ME3: variants seen among roughly 807,000 people sequenced by gnomAD.
ME3 encodes NADP-dependent malic enzyme, mitochondrial.
In ME3, 48 loss-of-function variants were observed where a neutral mutation model predicts 68.9. That is an observed-to-expected ratio of 0.70 (90% CI 0.55 to 0.89). The LOEUF is 0.89. Ranked by LOEUF, ME3 falls within the 40% of genes least tolerant of loss-of-function variation. The pLI is 0.00. For synonymous variants in ME3, 320 were observed against 318.8 expected (o/e 1.00, Z -0.04); for missense variants, 675 against 797.4 (o/e 0.85, Z 1.85).
At chr11:86,537,285 A>AT (rs1955744169) in intron 4 of ME3, among the ~76,000 whole-genome samples, 2 of 144,964 alleles carry the variant, frequency 1.4e-5, no homozygotes, top group Admixed American at 1.4e-4. Flanking sequence ...TTAAAGTATA[A>AT]TAAAAAAAAA....
chr11:86,522,975 T>C (rs1954437242), intron 4 of ME3, among the ~76,000 whole-genome samples: 1 of 152,152 alleles, frequency 6.6e-6, no homozygotes, highest in Admixed American at 6.5e-5. Flanking sequence ...GAAGGGGGTC[T>C]GGGAGGTTGA....
At chr11:86,568,930 T>C (rs1324822239) in intron 2 of ME3, among the ~76,000 whole-genome samples, 1 of 152,224 alleles carries the variant, frequency 6.6e-6, no homozygotes, top group Non-Finnish European at 1.5e-5. Flanking sequence ...AGGAGACATG[T>C]GGGTTAACAT....
Position 86,456,217 on chromosome 11 carries a change from G to A in ME3, c.920-5819C>T, listed in dbSNP as rs577224821. On this transcript the variant is annotated intron_variant, in intron 8 of 14. Coordinates refer to ENST00000543262, the Ensembl canonical transcript of ME3. ...GGCTAGCGGGAGTTTTCTGCTCATC[G>A]GAGTCTGTTTCAGGACAGCCTTTTG... Among the ~76,000 whole-genome samples, 15 of 152,280 alleles carry A rather than the reference G, an allele frequency of 9.9e-5. No homozygotes were observed. In the South Asian group the frequency reaches 3.1e-3, roughly 32 times the overall value.
intron 2 of ME3, among the ~76,000 whole-genome samples, chr11:86,599,127 A>G (rs1960128801): frequency 6.6e-6 from 1 of 152,230 alleles, no homozygotes; most frequent in Non-Finnish European, 1.5e-5. Flanking sequence ...TTGAGAGAAG[A>G]AGGCTTCAGA....
intron 2 of ME3, among the ~76,000 whole-genome samples, chr11:86,574,121 G>C (rs1038919415): frequency 1.3e-5 from 2 of 152,130 alleles, no homozygotes; most frequent in African/African-American, 4.8e-5. Flanking sequence ...ATTTTATCAA[G>C]GTTTTTAACT....
At chr11:86,445,051 C>G (rs1057015440) in intron 13 of ME3, among the ~76,000 whole-genome samples, 7 of 152,162 alleles carry the variant, frequency 4.6e-5, no homozygotes, top group African/African-American at 1.7e-4. Flanking sequence ...ATAGGCAGGA[C>G]TGTAGCAATT....
In ME3 at chr11:86,487,331, A is replaced by G. The variant is rs1266104293; in HGVS notation, c.809+6T>C. 2.5e-6 allele frequency: 4 copies of G among 1,610,024 alleles called. No individual in the cohort carries two copies. Among genetic ancestry groups the G allele is most frequent in the Non-Finnish European group, 3.4e-6 (4 of 1,176,366 alleles). On this transcript the variant is annotated splice_donor_region_variant and intron_variant, in intron 7 of 14. Transcript: ENST00000543262. ...TCTTTCAAAAGGGACAGACTGGTCCACTTACTTGTCTGTCACAGCCTGCAT... is the reference window on the plus strand; with the variant it reads ...TCTTTCAAAAGGGACAGACTGGTCCGCTTACTTGTCTGTCACAGCCTGCAT...
chr11:86,655,546 T>A (rs1445986236), intron 2 of ME3, among the ~76,000 whole-genome samples: 2 of 152,134 alleles, frequency 1.3e-5, no homozygotes, highest in African/African-American at 4.8e-5. Context: ...GCTAGCCATA[T>A]GTAGAAAGCT....
At chr11:86,573,679 T>G (rs1257717448) in intron 2 of ME3, among the ~76,000 whole-genome samples, 3 of 150,670 alleles carry the variant, frequency 2.0e-5, no homozygotes, top group Non-Finnish European at 4.4e-5. Context: ...TAAATAGGAG[T>G]GGAGAGAGAC....
chr11:86,588,852 A>G (rs913922572), intron 2 of ME3, among the ~76,000 whole-genome samples: 2 of 151,934 alleles, frequency 1.3e-5, no homozygotes, highest in African/African-American at 4.8e-5. Context: ...GCCTTTCCTA[A>G]CTCCCCAGAG....
intron 4 of ME3, among the ~76,000 whole-genome samples, chr11:86,535,433 T>G (rs1299745350): frequency 6.6e-6 from 1 of 152,198 alleles, no homozygotes; most frequent in Non-Finnish European, 1.5e-5. Flanking sequence ...TTATTAATTT[T>G]CCAGAACCAA....
At chr11:86,474,024 T>G (rs1431638500) in intron 7 of ME3, among the ~76,000 whole-genome samples, 1 of 152,156 alleles carries the variant, frequency 6.6e-6, no homozygotes, top group Non-Finnish European at 1.5e-5. Flanking sequence ...AGACTGCTGG[T>G]CACTGGAGGT....
chr11:86,456,167 G>A (rs944156292), intron 8 of ME3, among the ~76,000 whole-genome samples: 1 of 152,170 alleles, frequency 6.6e-6, no homozygotes, highest in African/African-American at 2.4e-5. Flanking sequence ...GGCCTCTCTA[G>A]GTGAGGTACT....
chr11:86,465,059 C>T, intron 8 of ME3, 32 bp downstream of exon 8: 1 of 1,535,688 alleles, frequency 6.5e-7, no homozygotes, highest in Non-Finnish European at 9.0e-7. Context: ...AGTTAGTCCC[C>T]TGTAGCTTCA....
chr11:86,631,336 T>C (rs1944000625), intron 2 of ME3, among the ~76,000 whole-genome samples: 1 of 152,062 alleles, frequency 6.6e-6, no homozygotes, highest in Admixed American at 6.6e-5. Context: ...TGTAGCTCAT[T>C]AGGAGGGATA....
chr11:86,567,583 A>G lies in ME3; in HGVS notation c.184-7760T>C, dbSNP rs141586436. On this transcript the variant is annotated intron_variant, in intron 2 of 14. Transcript: ENST00000543262. ...TTAATGATCACTGTGGCTTTTCAGA[A>G]CAGTCCACTTCTCTCTACAAGGAGA... 6.5e-3 allele frequency among the ~76,000 whole-genome samples: 993 copies of G among 152,334 alleles called. 10 individuals are homozygous for G. Among genetic ancestry groups the G allele is most frequent in the African/African-American group, 0.021 (864 of 41,574 alleles).
chr11:86,504,444 G>C (rs1318950423), intron 5 of ME3, among the ~76,000 whole-genome samples: 1 of 123,184 alleles, frequency 8.1e-6, no homozygotes, highest in African/African-American at 3.1e-5. Context: ...AGACTGGAAT[G>C]CAGTGGCCTG....
intron 2 of ME3, among the ~76,000 whole-genome samples, chr11:86,564,417 C>T (rs1957380358): frequency 7.2e-6 from 1 of 138,758 alleles, no homozygotes; most frequent in Non-Finnish European, 1.6e-5. Flanking sequence ...CAGCCAAAAT[C>T]TTTTTTTTTA....
chr11:86,441,180 C>T, exon 15 of ME3: 3 of 1,212,968 alleles, frequency 2.5e-6, no homozygotes, highest in Non-Finnish European at 3.3e-6. Context: ...AAAGAAAAAA[C>T]ACAGCGACAA....
Sources: allele counts gnomAD v4.1 joint callset (sites outside exome capture counted in the v4.1 genomes callset), GRCh38; gene constraint gnomAD v4.1.1; transcripts MANE v1.5; gene names NCBI Gene and HGNC (gene_info 2026-07-23, HGNC 2026-07-21).